YBEY: variants seen among roughly 807,000 people sequenced by gnomAD.
YBEY encodes the protein endoribonuclease YbeY.
Under a neutral mutation model 13.5 loss-of-function variants are expected in YBEY, and 15 were observed. The ratio of observed to expected loss-of-function variants is 1.11; its 90% CI spans 0.75 to 1.72. The LOEUF is 1.72. Ranked by LOEUF, YBEY falls within the 40% of genes most tolerant of loss-of-function variation. YBEY has a pLI of 0.00. For synonymous variants in YBEY, 101 were observed against 83.1 expected, an observed-to-expected ratio of 1.21 and a Z score of -1.17; for missense variants, 244 against 208.4, an observed-to-expected ratio of 1.17 and a Z score of -1.05.
chr21:46,303,401 A>G, the YBEY span, among the ~76,000 whole-genome samples: 2 of 151,926 alleles, frequency 1.3e-5, no homozygotes, highest in African/African-American at 4.8e-5. Flanking sequence ...GTGAAAAGGC[A>G]ACCACAAGAA....
intron 2 of YBEY, among the ~76,000 whole-genome samples, chr21:46,290,678 G>A (rs891338899): frequency 2.0e-5 from 3 of 151,870 alleles, no homozygotes; most frequent in Admixed American, 2.0e-4. Flanking sequence ...GGAGGCTGAG[G>A]CAGGCAGATC....
chr21:46,291,788 A>T (rs773286102), intron 3 of YBEY: 17 of 1,091,646 alleles, frequency 1.6e-5, no homozygotes, highest in Non-Finnish European at 1.9e-5. Flanking sequence ...CCAGAAGTAC[A>T]GAAGTTGGAG....
chr21:46,295,092 C>T (rs957208416), intron 3 of YBEY, among the ~76,000 whole-genome samples: 16 of 152,070 alleles, frequency 1.1e-4, no homozygotes, highest in African/African-American at 3.1e-4. Context: ...CAACTGTGGG[C>T]GGGGGGGTAT....
chr21:46,302,638 A>G (rs1375750547), downstream of YBEY: 6 of 1,261,066 alleles, frequency 4.8e-6, no homozygotes, highest in Non-Finnish European at 5.7e-6. Context: ...TGTTAAAGTG[A>G]TAGAGCATTA....
intron 2 of YBEY, among the ~76,000 whole-genome samples, chr21:46,289,377 A>C (rs987974298): frequency 6.6e-6 from 1 of 152,012 alleles, no homozygotes; most frequent in African/African-American, 2.4e-5. Context: ...GTGAAAATAC[A>C]TGCCACATGC....
chr21:46,286,790 C>T (rs560010150), intron 1 of YBEY, 80 bp from the exon 2 acceptor site: 64 of 799,662 alleles, frequency 8.0e-5, no homozygotes, highest in Middle Eastern at 7.6e-4. Flanking sequence ...ATAAAGTGAT[C>T]TGATTGCGCG....
downstream of YBEY, among the ~76,000 whole-genome samples, chr21:46,302,745 G>C (rs4819233): frequency 4.2e-4 from 62 of 147,274 alleles, no homozygotes; most frequent in Non-Finnish European, 6.8e-4. Context: ...GGCGCGCCCT[G>C]AGCCCGTCTG....
the YBEY span, among the ~76,000 whole-genome samples, chr21:46,311,046 A>G: frequency 6.6e-6 from 1 of 151,512 alleles, no homozygotes; most frequent in Non-Finnish European, 1.5e-5. Flanking sequence ...TGGTTTTTGT[A>G]TTTTTAGTAG....
the YBEY span, among the ~76,000 whole-genome samples, chr21:46,307,277 G>A: frequency 6.6e-6 from 1 of 152,138 alleles, no homozygotes; most frequent in African/African-American, 2.4e-5. Context: ...CTCCCAAAGT[G>A]CTGGGATGAC....
downstream of YBEY, chr21:46,297,773 T>C: frequency 2.4e-6 from 3 of 1,235,416 alleles, no homozygotes; most frequent in Non-Finnish European, 3.0e-6. Flanking sequence ...GTATTTTTCG[T>C]TATTGTAAAT....
chr21:46,291,670 G>A (rs2081718639), intron 3 of YBEY: 2 of 1,345,612 alleles, frequency 1.5e-6, no homozygotes, highest in Admixed American at 3.6e-5. Flanking sequence ...AGAACACGCT[G>A]TGAAAACACA....
chr21:46,302,502 G>A (rs777681920), downstream of YBEY: 10 of 1,611,382 alleles, frequency 6.2e-6, no homozygotes, highest in African/African-American at 1.1e-4. Flanking sequence ...GCTGGGGGCA[G>A]GGCCTTGAGC....
downstream of YBEY, chr21:46,301,076 G>A: frequency 6.9e-6 from 7 of 1,019,112 alleles, no homozygotes; most frequent in Non-Finnish European, 8.3e-6. Flanking sequence ...TATAGCATTA[G>A]CACTCTCCCT....
the YBEY span, among the ~76,000 whole-genome samples, chr21:46,310,502 A>T: frequency 1.1e-4 from 16 of 151,526 alleles, no homozygotes; most frequent in African/African-American, 2.2e-4. Flanking sequence ...AAAAATAAAA[A>T]AAAAAAACAA....
At chr21:46,300,610 G>A, downstream of YBEY, 1 of 1,191,626 alleles carries the variant, frequency 8.4e-7, no homozygotes, top group Non-Finnish European at 1.1e-6. Flanking sequence ...GCCAGTAGCT[G>A]CGCTGGGCCC....
downstream of YBEY, chr21:46,302,276 C>T: frequency 2.1e-6 from 3 of 1,415,558 alleles, no homozygotes; most frequent in South Asian, 3.0e-5. Context: ...TCTAAGCATC[C>T]TCCCAGAGGA....
chr21:46,298,619 C>A (rs996733719), downstream of YBEY, among the ~76,000 whole-genome samples: 1 of 151,438 alleles, frequency 6.6e-6, no homozygotes, highest in Admixed American at 6.6e-5. Flanking sequence ...TTAGTAGAGA[C>A]GGGGTTTCAC....
intron 2 of YBEY, among the ~76,000 whole-genome samples, chr21:46,290,916 A>C (rs981717259): frequency 1.3e-5 from 2 of 151,270 alleles, no homozygotes; most frequent in African/African-American, 4.9e-5. Flanking sequence ...GTGGTGGCGC[A>C]TGCCTGTAGT....
At chr21:46,311,159 C>T in the YBEY span, among the ~76,000 whole-genome samples, 3 of 152,186 alleles carry the variant, frequency 2.0e-5, no homozygotes, top group East Asian at 3.9e-4. Flanking sequence ...CGTGAGCCAC[C>T]GAGCCGGGCC....
Sources: gnomAD v4.1 joint callset for allele counts (sites outside exome capture counted in the v4.1 genomes callset) on GRCh38, gnomAD v4.1.1 for gene constraint, MANE v1.5 for transcripts, NCBI Gene and HGNC (gene_info 2026-07-23, HGNC 2026-07-21) for gene names.